Variants in ITPR1 observed in about 807,000 individuals in gnomAD.
ITPR1 encodes inositol 1,4,5-trisphosphate receptor type 1, also known as inositol 1,4,5-trisphosphate-gated calcium channel ITPR1.
ITPR1 carries 96 observed loss-of-function variants against 318.4 expected under a neutral mutation model. The observed-to-expected ratio is 0.30, with a 90% CI of 0.26 to 0.36. The LOEUF is 0.36. ITPR1 is among the 10% of genes least tolerant of loss of function. The probability of loss-of-function intolerance (pLI) is 1.00; values close to 1 mark genes in which losing one functional copy is unlikely to be tolerated. For synonymous variants in ITPR1, 1,312 were observed against 1,289.9 expected, an observed-to-expected ratio of 1.02 and a Z score of -0.37; for missense variants, 2,440 against 3,460.2, an observed-to-expected ratio of 0.71 and a Z score of 7.40.
At chr3:4,510,884 C>G (rs539255414) in intron 2 of ITPR1, among the ~76,000 whole-genome samples, 1 of 151,938 alleles carries the variant, frequency 6.6e-6, no homozygotes, top group African/African-American at 2.4e-5. Context: ...GGGGTAGGGA[C>G]GAGAGTGTTG....
chr3:4,721,172 G>GTATATATATATATATA (rs5846332), intron 40 of ITPR1, among the ~76,000 whole-genome samples: 1,703 of 124,270 alleles, frequency 0.014, 25 homozygotes, highest in African/African-American at 0.021. Context: ...GTGTGTGCGT[G>GTATATATATATATATA]TATATATATA....
intron 32 of ITPR1, 111 bp from the exon 33 acceptor site, chr3:4,693,379 T>A (rs2094509266): frequency 8.4e-7 from 1 of 1,195,402 alleles, no homozygotes; most frequent in Non-Finnish European, 1.2e-6. Flanking sequence ...TAAGACTGAT[T>A]TGGGAAGATA....
chr3:4,695,888 C>G (rs992152063), intron 33 of ITPR1, among the ~76,000 whole-genome samples: 1 of 152,200 alleles, frequency 6.6e-6, no homozygotes, highest in Non-Finnish European at 1.5e-5. Flanking sequence ...CATGTGTACA[C>G]TTCCGTCCAG....
At chr3:4,598,140 T>C (rs2090994451) in intron 4 of ITPR1, among the ~76,000 whole-genome samples, 1 of 152,202 alleles carries the variant, frequency 6.6e-6, no homozygotes, top group East Asian at 1.9e-4. Flanking sequence ...TCCTCTCAGT[T>C]AAAATTTGTA....
chr3:4,691,401 T>C (rs2094476414), intron 32 of ITPR1, 57 bp downstream of exon 32: 2 of 1,208,964 alleles, frequency 1.7e-6, no homozygotes, highest in Non-Finnish European at 2.4e-6. Flanking sequence ...AATTTTAAAA[T>C]TATTTAATCT....
At chr3:4,593,580 T>A (rs1159005633) in intron 4 of ITPR1, among the ~76,000 whole-genome samples, 1 of 152,196 alleles carries the variant, frequency 6.6e-6, no homozygotes, top group Non-Finnish European at 1.5e-5. Context: ...CATAAACTGA[T>A]AATTATATGT....
intron 54 of ITPR1, among the ~76,000 whole-genome samples, chr3:4,805,264 G>C (rs1237993726): frequency 2.0e-5 from 3 of 152,172 alleles, no homozygotes; most frequent in Non-Finnish European, 4.4e-5. Flanking sequence ...CAGTGCTGGT[G>C]GTGCCTTCAG....
intron 4 of ITPR1, among the ~76,000 whole-genome samples, chr3:4,610,693 T>C (rs1293707982): frequency 2.0e-5 from 3 of 152,216 alleles, no homozygotes; most frequent in Non-Finnish European, 4.4e-5. Context: ...CCATGGTTAC[T>C]GTTTGTTACT....
At chr3:4,806,676 C>T (rs149137441) in intron 55 of ITPR1, among the ~76,000 whole-genome samples, 3 of 152,228 alleles carry the variant, frequency 2.0e-5, no homozygotes, top group East Asian at 3.9e-4. Context: ...ACACGTGTAG[C>T]GACCATAAGA....
chr3:4,705,487 C>T (rs978051408), intron 36 of ITPR1, among the ~76,000 whole-genome samples: 1 of 152,186 alleles, frequency 6.6e-6, no homozygotes, highest in Non-Finnish European at 1.5e-5. Flanking sequence ...GGTCCAGGTA[C>T]CACCTTGCAT....
At chr3:4,726,792 T>G (rs1393120601) in intron 41 of ITPR1, among the ~76,000 whole-genome samples, 1 of 152,158 alleles carries the variant, frequency 6.6e-6, no homozygotes, top group African/African-American at 2.4e-5. Context: ...CCCGATTGAG[T>G]CTTGCATTAC....
chr3:4,540,470 A>T (rs2084330261), intron 4 of ITPR1, among the ~76,000 whole-genome samples: 1 of 152,168 alleles, frequency 6.6e-6, no homozygotes, highest in South Asian at 2.1e-4. Flanking sequence ...TGTTTAGTCC[A>T]TTTACATTTG....
intron 4 of ITPR1, among the ~76,000 whole-genome samples, chr3:4,627,102 T>G (rs2092854091): frequency 6.6e-6 from 1 of 152,102 alleles, no homozygotes; most frequent in African/African-American, 2.4e-5. Flanking sequence ...ATTACAGGCA[T>G]GAGCCACCGT....
chr3:4,534,835 A>C (rs1274378444), intron 4 of ITPR1, among the ~76,000 whole-genome samples: 1 of 152,192 alleles, frequency 6.6e-6, no homozygotes, highest in Non-Finnish European at 1.5e-5. Flanking sequence ...AACCATTCCC[A>C]GAATCGTGGC....
rs62231622 is a variant in ITPR1, at chr3:4,795,046, T to C, written c.6809-19T>C. ...CTTGGGGTCTCCAGCCTCACGCGGC[T>C]TTGCCTTTGTCTCTGCAGCCCAGCC... On this transcript the variant is annotated intron_variant, in intron 52 of 61. Transcript: ENST00000649015. The C allele has an allele frequency of 8.1e-4, 1,282 of 1,591,484 alleles. 2 individuals carry two copies. The highest frequency in any genetic ancestry group is 9.7e-4 in the Non-Finnish European group (1,133 of 1,165,942).
intron 44 of ITPR1, among the ~76,000 whole-genome samples, chr3:4,743,554 G>A (rs758985337): frequency 2.0e-5 from 3 of 152,192 alleles, no homozygotes; most frequent in African/African-American, 4.8e-5. Flanking sequence ...TTGGTGATAA[G>A]AGGCACAATC....
chr3:4,520,707 G>A (rs1398823509), intron 3 of ITPR1, among the ~76,000 whole-genome samples: 1 of 152,198 alleles, frequency 6.6e-6, no homozygotes, highest in African/African-American at 2.4e-5. Context: ...ACCCTTAGTT[G>A]AATGCAACAG....
chr3:4,781,473 G>A (rs2046834349), intron 49 of ITPR1, among the ~76,000 whole-genome samples: 1 of 152,118 alleles, frequency 6.6e-6, no homozygotes, highest in Non-Finnish European at 1.5e-5. Flanking sequence ...CCGCTCTCAA[G>A]AAACTGAGAC....
chr3:4,506,317 A>G (rs1452527965), intron 2 of ITPR1, among the ~76,000 whole-genome samples: 1 of 151,886 alleles, frequency 6.6e-6, no homozygotes. Flanking sequence ...TGTTTCTGGA[A>G]TTTGCTAAGC....
Sources: gnomAD v4.1 joint callset for allele counts (sites outside exome capture counted in the v4.1 genomes callset) on GRCh38, gnomAD v4.1.1 for gene constraint, MANE v1.5 for transcripts, NCBI Gene and HGNC (gene_info 2026-07-23, HGNC 2026-07-21) for gene names.